CHN1: variants seen among roughly 807,000 people sequenced by gnomAD.
CHN1 encodes the protein N-chimaerin.
A neutral mutation model predicts 59.5 loss-of-function variants in CHN1; 37 were observed. That is an observed-to-expected ratio of 0.62 (90% confidence interval 0.48 to 0.82). The LOEUF (loss-of-function observed/expected upper bound fraction) is 0.82. CHN1 is among the 40% of genes least tolerant of loss of function. CHN1 has a pLI of 0.00. For synonymous variants in CHN1, 206 were observed against 200.4 expected (o/e 1.03, Z -0.24); for missense variants, 469 against 571.0 (o/e 0.82, Z 1.82).
intron 7 of CHN1, among the ~76,000 whole-genome samples, chr2:174,844,706 G>A (rs1249883951): frequency 6.6e-6 from 1 of 152,148 alleles, no homozygotes; most frequent in East Asian, 1.9e-4. Context: ...GTTCTTGGAA[G>A]TCAAGTATGA....
intron 1 of CHN1, among the ~76,000 whole-genome samples, chr2:174,970,162 G>A (rs1690716565): frequency 6.6e-6 from 1 of 152,028 alleles, no homozygotes; most frequent in Non-Finnish European, 1.5e-5. Flanking sequence ...ACTTCTTTTG[G>A]TCATTCTGTT....
chr2:174,954,827 T>C (rs1479706978), intron 1 of CHN1, among the ~76,000 whole-genome samples: 2 of 152,154 alleles, frequency 1.3e-5, no homozygotes, highest in African/African-American at 4.8e-5. Context: ...GGAATACTTT[T>C]ACACTGTTGG....
intron 6 of CHN1, among the ~76,000 whole-genome samples, chr2:174,874,050 T>G (rs528400466): frequency 9.2e-5 from 14 of 152,180 alleles, no homozygotes; most frequent in Non-Finnish European, 2.9e-5. Context: ...GCTTCAGAAA[T>G]GCAAATTATA....
chr2:174,892,726 C>A (rs982660873), intron 5 of CHN1, among the ~76,000 whole-genome samples: 1 of 152,088 alleles, frequency 6.6e-6, no homozygotes, highest in African/African-American at 2.4e-5. Context: ...ACCTAGTGAA[C>A]CAAATTAAAC....
At chr2:174,986,111 C>T (rs563230315) in intron 1 of CHN1, among the ~76,000 whole-genome samples, 2 of 151,934 alleles carry the variant, frequency 1.3e-5, no homozygotes, top group Admixed American at 6.6e-5. Flanking sequence ...ATAGCCAAAC[C>T]GTCACACTGG....
At chr2:174,811,613 C>A (rs1270940433) in intron 9 of CHN1, 25 bp from the exon 10 acceptor site, 4 of 1,461,424 alleles carry the variant, frequency 2.7e-6, no homozygotes, top group Non-Finnish European at 3.8e-6. Context: ...TAGTTAGTTT[C>A]TTTGAATTAT....
At chr2:174,901,486 G>C (rs1574144497) in intron 5 of CHN1, among the ~76,000 whole-genome samples, 2 of 152,090 alleles carry the variant, frequency 1.3e-5, no homozygotes, top group African/African-American at 4.8e-5. Flanking sequence ...TTATGCACTC[G>C]TATCTCCCTT....
At chr2:174,884,972 C>A (rs1201647238) in intron 5 of CHN1, among the ~76,000 whole-genome samples, 3 of 151,956 alleles carry the variant, frequency 2.0e-5, no homozygotes, top group Non-Finnish European at 2.9e-5. Flanking sequence ...CTATATGTAA[C>A]AATAAAAAGA....
intron 1 of CHN1, among the ~76,000 whole-genome samples, chr2:174,966,957 T>C (rs1690612153): frequency 6.6e-6 from 1 of 152,184 alleles, no homozygotes; most frequent in Non-Finnish European, 1.5e-5. Flanking sequence ...ATTAATAATA[T>C]AATACATTCC....
rs1397156275 is a variant in CHN1, at chr2:175,004,809, C to A, written c.19+85G>T. On this transcript the variant is annotated intron_variant, in intron 1 of 12. Transcript: ENST00000409900. ...GACCCCACGCGCCGCGCCCCCTCCC[C>A]GGGCGCCCAGGCCCCCCAGGCCCCC... is the stretch of plus-strand genomic sequence containing the variant. 21 of 843,396 alleles carry A rather than the reference C, an allele frequency of 2.5e-5. No individual in the cohort carries two copies. The East Asian group carries it at 1.3e-3, about 52-fold the overall frequency. The allele number at this position is 843,396 out of a possible 1,614,324, so 52.2% of individuals were successfully genotyped here.
intron 5 of CHN1, among the ~76,000 whole-genome samples, chr2:174,888,743 T>A (rs1248582764): frequency 6.6e-6 from 1 of 152,032 alleles, no homozygotes; most frequent in Non-Finnish European, 1.5e-5. Context: ...GGGAGAGCAG[T>A]GGGGAGAAGA....
intron 7 of CHN1, among the ~76,000 whole-genome samples, chr2:174,836,439 C>A (rs79014066): frequency 6.6e-6 from 1 of 152,190 alleles, no homozygotes; most frequent in Admixed American, 6.5e-5. Context: ...TCAGTTTCTA[C>A]ACATGTAAAA....
intron 5 of CHN1, among the ~76,000 whole-genome samples, chr2:174,893,914 G>A (rs1688129904): frequency 6.6e-6 from 1 of 152,110 alleles, no homozygotes; most frequent in African/African-American, 2.4e-5. Flanking sequence ...GGGAAATCTA[G>A]ATATCTATAT....
At position 174,799,533 on chromosome 2, in the gene CHN1, A is replaced by G. The variant is rs1325330700; in HGVS notation, c.*583T>C. 2 of 520,558 alleles carry G rather than the reference A, an allele frequency of 3.8e-6. No homozygotes were observed. The highest frequency in any genetic ancestry group is 3.8e-5 in the African/African-American group (2 of 53,094). 32.2% of individuals were successfully genotyped at this position (520,558 alleles called of 1,614,324 possible). A position where few individuals can be genotyped will look rare whatever the true frequency, so the allele number is the denominator to read the frequency against. ...TTTATTGGTATGGATAACCTTTATT[A>G]AAGTAACAAATCTGAAAACACATTT... is the stretch of plus-strand genomic sequence containing the variant. On this transcript the variant is annotated 3_prime_UTR_variant, in exon 13 of 13. Coordinates refer to ENST00000409900, the MANE Select transcript of CHN1 (RefSeq NM_001822.7).
chr2:174,905,776 T>G (rs1688526304), intron 5 of CHN1, among the ~76,000 whole-genome samples: 1 of 151,842 alleles, frequency 6.6e-6, no homozygotes, highest in Non-Finnish European at 1.5e-5. Context: ...GCCAGGATGG[T>G]CTCGATCTCC....
chr2:174,997,802 C>T (rs143470072), intron 1 of CHN1, among the ~76,000 whole-genome samples: 8 of 151,562 alleles, frequency 5.3e-5, no homozygotes, highest in African/African-American at 1.5e-4. Flanking sequence ...GAGACCGAGG[C>T]GGGAGGATCA....
In CHN1 at chr2:174,894,866, G is replaced by A. The variant is rs552594452; in HGVS notation, c.261-16738C>T. ...GAAAATTTAGAAATAAATAATACAC[G>A]TCTTACATTGCGTGCCATTCTGAAT... is the stretch of plus-strand genomic sequence containing the variant. On this transcript the variant is annotated intron_variant, in intron 5 of 12. Coordinates refer to ENST00000409900, the MANE Select transcript of CHN1 (RefSeq NM_001822.7). 3.3e-5 allele frequency among the ~76,000 whole-genome samples: 5 copies of A among 152,054 alleles called. No individual in the cohort carries two copies. The South Asian group carries it at 6.2e-4, about 19-fold the overall frequency.
chr2:174,850,831 G>C (rs1390549043), intron 6 of CHN1, among the ~76,000 whole-genome samples: 3 of 152,166 alleles, frequency 2.0e-5, no homozygotes, highest in Non-Finnish European at 4.4e-5. Flanking sequence ...AGTGGAAAGT[G>C]GCAAGAAAAG....
In CHN1 at chr2:174,984,139, A is replaced by G. The variant is rs572624435; in HGVS notation, c.19+20755T>C. ...AGAAATAGGCACGTTTGAAAGCTCA[A>G]TCTTCATTTTATCCATGGGGAAAAT... is the stretch of plus-strand genomic sequence containing the variant. On this transcript the variant is annotated intron_variant, in intron 1 of 12. Transcript: ENST00000409900. 7.9e-5 allele frequency among the ~76,000 whole-genome samples: 12 copies of G among 152,150 alleles called. No individual in the cohort carries two copies. In the East Asian group the frequency reaches 2.1e-3, roughly 27 times the overall value.
Sources: gnomAD v4.1 joint callset for allele counts (sites outside exome capture counted in the v4.1 genomes callset) on GRCh38, gnomAD v4.1.1 for gene constraint, MANE v1.5 for transcripts, NCBI Gene and HGNC (gene_info 2026-07-23, HGNC 2026-07-21) for gene names.